Variants in ZNF804B observed in about 807,000 individuals in gnomAD.
ZNF804B encodes the protein zinc finger 804B.
Under a neutral mutation model 101.4 loss-of-function variants are expected in ZNF804B, and 80 were observed. The ratio of observed to expected loss-of-function variants is 0.79; its 90% confidence interval spans 0.66 to 0.95. The LOEUF is 0.95. Among genes scored for constraint, ZNF804B ranks in the 40% least tolerant of loss-of-function variants. The probability of loss-of-function intolerance (pLI) is 0.00; values close to 1 mark genes in which losing one functional copy is unlikely to be tolerated. For synonymous variants in ZNF804B, 622 were observed against 558.8 expected (o/e 1.11, Z -1.59); for missense variants, 1,673 against 1,561.9 (o/e 1.07, Z -1.20).
intron 1 of ZNF804B, among the ~76,000 whole-genome samples, chr7:88,799,813 T>C (rs761100422): frequency 2.6e-5 from 4 of 152,096 alleles, no homozygotes; most frequent in African/African-American, 7.2e-5. Flanking sequence ...GCAAATGATG[T>C]TTAGTGCTTT....
At chr7:88,838,446 A>G (rs912967858) in intron 1 of ZNF804B, among the ~76,000 whole-genome samples, 1 of 151,912 alleles carries the variant, frequency 6.6e-6, no homozygotes, top group African/African-American at 2.4e-5. Flanking sequence ...AACACATGGG[A>G]TATCCTTGTT....
intron 1 of ZNF804B, among the ~76,000 whole-genome samples, chr7:88,803,239 A>C (rs1790635049): frequency 6.6e-6 from 1 of 152,110 alleles, no homozygotes; most frequent in African/African-American, 2.4e-5. Context: ...TAAGTCTAGG[A>C]TAGTCTAGCC....
At chr7:88,918,754 T>G (rs536863339) in intron 1 of ZNF804B, among the ~76,000 whole-genome samples, 5 of 152,226 alleles carry the variant, frequency 3.3e-5, no homozygotes, top group Non-Finnish European at 7.4e-5. Flanking sequence ...GTCCAAGGCC[T>G]AAGAGTGGGA....
intron 1 of ZNF804B, among the ~76,000 whole-genome samples, chr7:89,054,873 A>G (rs1374762910): frequency 6.6e-6 from 1 of 151,906 alleles, no homozygotes; most frequent in Admixed American, 6.6e-5. Flanking sequence ...TTAAAACTAC[A>G]TTTTGAATGT....
At chr7:88,850,561 GA>G (rs748099375) in intron 1 of ZNF804B, among the ~76,000 whole-genome samples, 42 of 152,188 alleles carry the variant, frequency 2.8e-4, no homozygotes, top group Admixed American at 1.4e-3. Context: ...ATTTACAGGG[GA>G]CAGTTCTCAG....
intron 2 of ZNF804B, among the ~76,000 whole-genome samples, chr7:89,324,349 C>A (rs539520129): frequency 6.6e-6 from 1 of 151,866 alleles, no homozygotes; most frequent in East Asian, 1.9e-4. Context: ...ATATGGCCCC[C>A]CTAGCTTTCT....
chr7:89,156,056 CTTTCTTTCTT>C (rs1790964953), intron 1 of ZNF804B, among the ~76,000 whole-genome samples: 1 of 77,216 alleles, frequency 1.3e-5, no homozygotes, highest in African/African-American at 4.5e-5. Flanking sequence ...TTCTTTCTTT[CTTTCTTTCTT>C]TCTTTCTCTC....
intron 1 of ZNF804B, among the ~76,000 whole-genome samples, chr7:88,935,020 T>A (rs900165742): frequency 6.6e-6 from 1 of 151,566 alleles, no homozygotes; most frequent in African/African-American, 2.4e-5. Flanking sequence ...GTTATATATA[T>A]AGATATATGT....
intron 1 of ZNF804B, among the ~76,000 whole-genome samples, chr7:89,137,837 A>T (rs1790659582): frequency 6.6e-6 from 1 of 152,010 alleles, no homozygotes; most frequent in Non-Finnish European, 1.5e-5. Flanking sequence ...ACAAGGCAGC[A>T]CCCCTCATCA....
At chr7:89,147,083 G>GTA (rs147620052) in intron 1 of ZNF804B, among the ~76,000 whole-genome samples, 3,786 of 140,008 alleles carry the variant, frequency 0.027, 68 homozygotes, top group East Asian at 0.066. Flanking sequence ...GGATAATCAG[G>GTA]TATATATATA....
intron 1 of ZNF804B, among the ~76,000 whole-genome samples, chr7:89,110,338 A>G (rs1299498068): frequency 6.6e-6 from 1 of 152,226 alleles, no homozygotes; most frequent in Non-Finnish European, 1.5e-5. Context: ...GGGAAGTACC[A>G]TGGTAAAATT....
Position 88,811,210 on chromosome 7 carries a change from A to C in ZNF804B, c.108+51126A>C, listed in dbSNP as rs923051499. ...CAAAGTGTTGCACTGGGGTTGTCAG[A>C]AATACCAACTGTATGGCTGTTGGTT... On this transcript the variant is annotated intron_variant, in intron 1 of 3. Transcript: ENST00000333190. Among the ~76,000 whole-genome samples the C allele has an allele frequency of 6.3e-4, 96 of 152,232 alleles. 1 individual carries two copies. Among genetic ancestry groups the C allele is most frequent in the African/African-American group, 2.2e-3 (90 of 41,462 alleles).
At position 88,875,720 on chromosome 7, in the gene ZNF804B, C is replaced by G. The variant is rs1791923353; in HGVS notation, c.108+115636C>G. 2.0e-5 allele frequency among the ~76,000 whole-genome samples: 3 copies of G among 152,078 alleles called. No individual in the cohort carries two copies. In the South Asian group the frequency reaches 6.2e-4, roughly 32 times the overall value. On this transcript the variant is annotated intron_variant, in intron 1 of 3. Transcript: ENST00000333190. ...GACCAGATGGATTCACAGCCGAATT[C>G]TACCAGAGGTACAAGGAGGAACTGG...
rs397791531 is a variant in ZNF804B at position 89,309,759 on chromosome 7, C to CAAAAAAAAAAAAAAA, written c.250-17561_250-17547dup. On this transcript the variant is annotated intron_variant, in intron 2 of 3. Coordinates refer to ENST00000333190, the MANE Select transcript of ZNF804B (RefSeq NM_181646.5). ...TGGGCTACAGAGTGAGACCCTGTCT[C>CAAAAAAAAAAAAAAA]AAAAAAAAAAAAAAAAAAAAAAAAA... 1.7e-4 allele frequency among the ~76,000 whole-genome samples: 12 copies of CAAAAAAAAAAAAAAA among 70,790 alleles called. 2 individuals are homozygous for CAAAAAAAAAAAAAAA. The highest frequency in any genetic ancestry group is 7.7e-4 in the African/African-American group (12 of 15,666). 46.4% of individuals were successfully genotyped at this position (70,790 alleles called of 152,430 possible).
chr7:89,073,174 G>A (rs1165812130), intron 1 of ZNF804B, among the ~76,000 whole-genome samples: 1 of 152,078 alleles, frequency 6.6e-6, no homozygotes, highest in Non-Finnish European at 1.5e-5. Context: ...AGTCAGCATA[G>A]GCACCCCAAG....
intron 2 of ZNF804B, among the ~76,000 whole-genome samples, chr7:89,244,090 A>T (rs530997682): frequency 6.6e-6 from 1 of 152,148 alleles, no homozygotes; most frequent in African/African-American, 2.4e-5. Flanking sequence ...GAGAAAAATC[A>T]GAACTGACAA....
intron 1 of ZNF804B, among the ~76,000 whole-genome samples, chr7:89,052,938 T>A (rs13244512): frequency 6.6e-5 from 10 of 152,168 alleles, no homozygotes; most frequent in Non-Finnish European, 1.0e-4. Flanking sequence ...CTAGTTAGTG[T>A]AAAACTTGTC....
At chr7:89,235,018 A>ACT (rs1412380998) in intron 2 of ZNF804B, among the ~76,000 whole-genome samples, 2 of 151,666 alleles carry the variant, frequency 1.3e-5, no homozygotes, top group African/African-American at 2.4e-5. Flanking sequence ...ACCATCATAA[A>ACT]CTCTCTCAAT....
chr7:88,822,815 T>A (rs760483937), intron 1 of ZNF804B, among the ~76,000 whole-genome samples: 1 of 152,214 alleles, frequency 6.6e-6, no homozygotes, highest in Non-Finnish European at 1.5e-5. Flanking sequence ...TTGTCCATTA[T>A]TTTGACAGAG....
Sources: allele counts gnomAD v4.1 joint callset (sites outside exome capture counted in the v4.1 genomes callset), GRCh38; gene constraint gnomAD v4.1.1; transcripts MANE v1.5; gene names NCBI Gene and HGNC (gene_info 2026-07-23, HGNC 2026-07-21).